ERBB2: variants seen among roughly 807,000 people sequenced by gnomAD.
ERBB2 encodes the protein erb-b2 receptor tyrosine kinase 2.
ERBB2 carries 61 observed loss-of-function variants against 149.0 expected under a neutral mutation model. That is an observed-to-expected ratio of 0.41 (90% CI 0.33 to 0.51). The LOEUF is 0.51. ERBB2 is among the 20% of genes least tolerant of loss of function. The probability of loss-of-function intolerance (pLI) is 0.25; values close to 1 mark genes in which losing one functional copy is unlikely to be tolerated. For synonymous variants in ERBB2, 633 were observed against 678.8 expected (o/e 0.93, Z 1.05); for missense variants, 1,205 against 1,655.1 (o/e 0.73, Z 4.72).
At chr17:39,688,109 C>A, upstream of ERBB2, 2 of 1,157,336 alleles carry the variant, frequency 1.7e-6, no homozygotes, top group Non-Finnish European at 2.2e-6. Flanking sequence ...TTATTCTACT[C>A]TCCGCTGAAG....
At chr17:39,724,406 C>T (rs771174357) in intron 19 of ERBB2, among the ~76,000 whole-genome samples, 31 of 151,326 alleles carry the variant, frequency 2.0e-4, no homozygotes, top group Non-Finnish European at 2.5e-4. Flanking sequence ...ATTACAGGCG[C>T]GAGCCACCAC....
At chr17:39,697,347 TTGTTTTG>T (rs1347926735), upstream of ERBB2, among the ~76,000 whole-genome samples, 4 of 147,512 alleles carry the variant, frequency 2.7e-5, no homozygotes, top group Admixed American at 1.3e-4. Context: ...GGTTGTTTTT[TTGTTTTG>T]TTTTTTTTTT....
upstream of ERBB2, among the ~76,000 whole-genome samples, chr17:39,697,825 C>A (rs2057902396): frequency 6.6e-6 from 1 of 152,124 alleles, no homozygotes; most frequent in South Asian, 2.1e-4. Context: ...TCCCGAGTAG[C>A]TGGGATTACA....
In ERBB2 at chr17:39,721,263, T is replaced by G. The variant is rs949614116; in HGVS notation, c.1946+1429T>G. 4.2e-4 allele frequency among the ~76,000 whole-genome samples: 11 copies of G among 26,020 alleles called. No homozygotes were observed. In the East Asian group the frequency reaches 5.4e-3, roughly 13 times the overall value. 17.1% of individuals were successfully genotyped at this position (26,020 alleles called of 152,430 possible). Reference sequence around the variant, plus strand: ...CCACTCCTGGCGATGAGCCAAGTCTTTTTTTTTTTTTTTTTTTTTTGATAT... The same window carrying G: ...CCACTCCTGGCGATGAGCCAAGTCTGTTTTTTTTTTTTTTTTTTTTGATAT... On this transcript the variant is annotated intron_variant, in intron 16 of 26. Coordinates refer to ENST00000269571, the MANE Select transcript of ERBB2 (RefSeq NM_004448.4).
upstream of ERBB2, chr17:39,696,712 G>A (rs2057871718): frequency 6.6e-6 from 1 of 152,280 alleles, no homozygotes; most frequent in Non-Finnish European, 1.5e-5. Context: ...GAGTCTTGGG[G>A]ACTCAGTGTT....
intron 4 of ERBB2, among the ~76,000 whole-genome samples, 180 bp from the exon 5 acceptor site, chr17:39,709,633 G>A (rs1387172095): frequency 6.6e-6 from 1 of 152,102 alleles, no homozygotes; most frequent in Non-Finnish European, 1.5e-5. Flanking sequence ...TCTCTGTCTT[G>A]TCTCCCTCTG....
At chr17:39,717,560 C>T (rs2145716765) in intron 15 of ERBB2, 80 bp downstream of exon 15, 2 of 1,147,286 alleles carry the variant, frequency 1.7e-6, no homozygotes, top group Non-Finnish European at 2.4e-6. Context: ...TAAAAGGGGA[C>T]CAACTCTCCC....
chr17:39,716,277 G>A (rs2145672367), intron 12 of ERBB2, 24 bp from the exon 13 acceptor site: 1 of 1,555,560 alleles, frequency 6.4e-7, no homozygotes, highest in East Asian at 2.4e-5. Context: ...AAAGTCCCCT[G>A]CGGTCCCTTC....
Position 39,716,928 on chromosome 17 carries a change from A to G in ERBB2, c.1737+323A>G, listed in dbSNP as rs1285196908. ...CTCCTGCTTCCAACCTTGGTTTTTT[A>G]TTCCTAAAATGGGTATTGTAATAAT... On this transcript the variant is annotated intron_variant, in intron 14 of 26. Transcript: ENST00000269571. The G allele has an allele frequency of 4.9e-5, 23 of 472,220 alleles. No individual in the cohort carries two copies. In the South Asian group the frequency reaches 5.4e-4, roughly 11 times the overall value. The allele number at this position is 472,220 out of a possible 1,614,324, so 29.3% of individuals were successfully genotyped here.
At position 39,700,190 on chromosome 17, in the gene ERBB2, C is replaced by T; in HGVS notation, c.-49C>T. 1 of 1,389,994 alleles carries T rather than the reference C, an allele frequency of 7.2e-7. No individual in the cohort carries two copies. The highest frequency in any genetic ancestry group is 9.3e-7 in the Non-Finnish European group (1 of 1,077,208). The allele number at this position is 1,389,994 out of a possible 1,614,324, so 86.1% of individuals were successfully genotyped here. A position where few individuals can be genotyped will look rare whatever the true frequency, so the allele number is the denominator to read the frequency against. On this transcript the variant is annotated 5_prime_UTR_variant, in exon 1 of 27. Coordinates refer to ENST00000269571, the MANE Select transcript of ERBB2 (RefSeq NM_004448.4). Reference sequence around the variant, plus strand: ...CGCAGCACCCCGCGCCCCGCGCCCTCCCAGCCGGGTCCAGCCGGAGCCATG... The same window carrying T: ...CGCAGCACCCCGCGCCCCGCGCCCTTCCAGCCGGGTCCAGCCGGAGCCATG...
At position 39,710,092 on chromosome 17, in the gene ERBB2, G is replaced by A. The variant is rs779346332; in HGVS notation, c.650G>A (p.Arg217His). The A allele has an allele frequency of 1.2e-5, 20 of 1,606,508 alleles. No individual in the cohort carries two copies. The highest frequency in any genetic ancestry group is 5.0e-5 in the Admixed American group (3 of 59,958). The change falls in exon 6 of 27, where the codon CGC (arginine) becomes CAC (histidine). Residue 217 changes from arginine (R) to histidine (H), a missense_variant. By Grantham distance (29) the Arg-to-His change is conservative (BLOSUM62 0). This residue lies in a region of ERBB2 where 569 missense variants were observed against 803.5 expected (regional missense o/e 0.71). Coordinates refer to ENST00000269571, the MANE Select transcript of ERBB2 (RefSeq NM_004448.4). ...CCTGCCCTTTGCCCAACAGTGACGCGCACTGTCTGTGCCGGTGGCTGTGCC... is the reference window on the plus strand; with the variant it reads ...CCTGCCCTTTGCCCAACAGTGACGCACACTGTCTGTGCCGGTGGCTGTGCC... ...ESSEDCQSLT[R>H]TVCAGGCARC...
At chr17:39,719,742 A>G (rs770552377) in intron 15 of ERBB2, 45 bp from the exon 16 acceptor site, 2 of 1,602,800 alleles carry the variant, frequency 1.2e-6, no homozygotes, top group Non-Finnish European at 1.7e-6. Context: ...GTGGTTCCCA[A>G]GAGGGTGGTT....
At chr17:39,724,943 G>A (rs754397880) in intron 20 of ERBB2, 32 bp downstream of exon 20, 18 of 1,609,700 alleles carry the variant, frequency 1.1e-5, no homozygotes, top group Middle Eastern at 1.6e-4. Flanking sequence ...AGGTCTCTCC[G>A]GAGCAAACCC....
At chr17:39,720,128 A>G in intron 16 of ERBB2, 1 of 432,118 alleles carries the variant, frequency 2.3e-6, no homozygotes, top group Non-Finnish European at 4.3e-6. Context: ...AAGTCAAGGG[A>G]GACTGAGAAG....
chr17:39,706,869 T>G, intron 1 of ERBB2, 121 bp from the exon 2 acceptor site: 1 of 956,554 alleles, frequency 1.0e-6, no homozygotes, highest in Non-Finnish European at 1.5e-6. Flanking sequence ...GGCGGAGGGG[T>G]CCTTCAGTCA....
At chr17:39,699,865 C>T (rs4252599), upstream of ERBB2, 1,626 of 625,960 alleles carry the variant, frequency 2.6e-3, 30 homozygotes, top group Admixed American at 0.041. Context: ...CCAGGCGTCC[C>T]GGCGCTAGGA....
intron 2 of ERBB2, 140 bp from the exon 3 acceptor site, chr17:39,708,181 T>C (rs538149948): frequency 5.3e-5 from 32 of 605,336 alleles, no homozygotes; most frequent in East Asian, 2.2e-4. Flanking sequence ...ATCTCTATTT[T>C]ATCGTTTTAT....
At chr17:39,717,582 T>C (rs2059208744) in intron 15 of ERBB2, 102 bp downstream of exon 15, 6 of 942,456 alleles carry the variant, frequency 6.4e-6, no homozygotes, top group African/African-American at 5.0e-5. Context: ...TTGTCATATC[T>C]TGTTTCTGAT....
At chr17:39,712,096 G>C (rs537202049) in intron 8 of ERBB2, 49 bp downstream of exon 8, 3 of 1,612,698 alleles carry the variant, frequency 1.9e-6, no homozygotes, top group Non-Finnish European at 2.5e-6. Flanking sequence ...GTCCCTCTGC[G>C]CATGCAGCCT....
Sources: allele counts gnomAD v4.1 joint callset (sites outside exome capture counted in the v4.1 genomes callset), GRCh38; gene constraint gnomAD v4.1.1; regional missense constraint gnomAD v4.1.1; transcripts MANE v1.5; gene names NCBI Gene and HGNC (gene_info 2026-07-23, HGNC 2026-07-21).